The following CCDC62 variants were observed in gnomAD, a reference collection of about 807,000 sequenced individuals.
CCDC62 encodes coiled-coil domain containing 62, also known as coiled-coil domain-containing protein 62.
CCDC62 carries 72 observed loss-of-function variants against 80.8 expected under a neutral mutation model. The ratio of observed to expected loss-of-function variants is 0.89; its 90% confidence interval spans 0.74 to 1.08. CCDC62 has a LOEUF of 1.08. Ranked by LOEUF, CCDC62 falls within the 50% of genes least tolerant of loss-of-function variation. CCDC62 has a pLI of 0.00. For missense variants in CCDC62, 704 were observed against 809.4 expected (o/e 0.87, Z 1.58); for synonymous variants, 286 against 296.5 (o/e 0.96, Z 0.36).
chr12:122,779,907 C>CAAAA (rs35466260), intron 2 of CCDC62, among the ~76,000 whole-genome samples: 1 of 63,534 alleles, frequency 1.6e-5, no homozygotes, highest in Non-Finnish European at 2.7e-5. Context: ...GACTCTGTCT[C>CAAAA]AAAAAAAAAA....
intron 3 of CCDC62, among the ~76,000 whole-genome samples, chr12:122,783,519 C>T (rs1414116418): frequency 6.6e-6 from 1 of 152,160 alleles, no homozygotes; most frequent in Non-Finnish European, 1.5e-5. Context: ...AGCCACCGCG[C>T]CTGGCCCCAT....
intron 9 of CCDC62, among the ~76,000 whole-genome samples, chr12:122,803,404 G>A (rs1056551048): frequency 6.6e-6 from 1 of 152,088 alleles, no homozygotes; most frequent in Non-Finnish European, 1.5e-5. Context: ...TTGTCTTATT[G>A]TTGGAATAGC....
intron 5 of CCDC62, 56 bp downstream of exon 5, chr12:122,788,985 T>C: frequency 7.5e-7 from 1 of 1,340,148 alleles, no homozygotes. Context: ...AATATAGTTT[T>C]TCATCTGGGT....
chr12:122,812,735 A>G (rs1157859955), intron 10 of CCDC62, among the ~76,000 whole-genome samples: 3 of 127,742 alleles, frequency 2.3e-5, no homozygotes, highest in Admixed American at 8.9e-5. Flanking sequence ...AAAAAAAAAA[A>G]AGAAAGAGAG....
chr12:122,816,779 C>G (rs958188985), intron 11 of CCDC62, among the ~76,000 whole-genome samples: 1 of 150,788 alleles, frequency 6.6e-6, no homozygotes, highest in Non-Finnish European at 1.5e-5. Context: ...TACAATTCAC[C>G]CTTCTAAAGT....
At chr12:122,790,462 A>G (rs534116889) in intron 5 of CCDC62, among the ~76,000 whole-genome samples, 1 of 152,272 alleles carries the variant, frequency 6.6e-6, no homozygotes, top group South Asian at 2.1e-4. Context: ...CAGGACTTCA[A>G]GAAGACCAGC....
intron 9 of CCDC62, among the ~76,000 whole-genome samples, chr12:122,803,056 T>C (rs994322966): frequency 6.6e-6 from 1 of 151,962 alleles, no homozygotes; most frequent in African/African-American, 2.4e-5. Flanking sequence ...GCTCTTTTTT[T>C]AAAAATTGAG....
chr12:122,808,798 G>A (rs1426955929), intron 10 of CCDC62, among the ~76,000 whole-genome samples: 1 of 152,080 alleles, frequency 6.6e-6, no homozygotes, highest in African/African-American at 2.4e-5. Flanking sequence ...AAGTGCTGGG[G>A]TATATTTAAC....
intron 10 of CCDC62, among the ~76,000 whole-genome samples, chr12:122,807,432 G>C (rs2031667139): frequency 6.7e-6 from 1 of 149,874 alleles, no homozygotes; most frequent in Non-Finnish European, 1.5e-5. Context: ...TTGGGAGGCT[G>C]AGGCGGGAGA....
chr12:122,813,443 C>A (rs944068580), intron 11 of CCDC62, 24 bp downstream of exon 11: 1 of 1,601,300 alleles, frequency 6.2e-7, no homozygotes, highest in South Asian at 1.1e-5. Flanking sequence ...TTTCTCTTGA[C>A]TATATTTGTC....
chr12:122,801,235 T>C lies in CCDC62; in HGVS notation c.1089T>C (p.Val363=). The C allele has an allele frequency of 6.2e-7, 1 of 1,614,182 alleles. No individual in the cohort carries two copies. ...ACCAGAAATTTGAAGCCATGTTGGT[T>C]CAGCAAAATAGGTCAGACAAGAGCT... The part of the protein sequence containing the change: ...FKDQKFEAML[V]QQNRSDKSSC... The change falls in exon 9 of 13, where the codon GTT becomes GTC. Residue 363 remains valine, a synonymous_variant. Transcript: ENST00000253079.
rs1368830253 is a variant in CCDC62 at position 122,801,301 on chromosome 12, T to C, written c.1155T>C (p.Thr385=). 87 of 1,613,996 alleles carry C rather than the reference T, an allele frequency of 5.4e-5. No individual in the cohort carries two copies. The highest frequency in any genetic ancestry group is 7.0e-5 in the Non-Finnish European group (83 of 1,180,002). Residue 385 remains threonine (T), a synonymous_variant, in exon 9 of 13, where the codon ACT becomes ACC. Coordinates refer to ENST00000253079, the MANE Select transcript of CCDC62 (RefSeq NM_201435.5). Reference sequence around the variant, plus strand: ...AAGAGAAGAAACAACAGATCGATACTGTGTTTGGGGAGAAAAGTGTAATTA... The same window carrying C: ...AAGAGAAGAAACAACAGATCGATACCGTGTTTGGGGAGAAAAGTGTAATTA... ...ECKEKKQQID[T]VFGEKSVITL...
chr12:122,785,948 C>T (rs975138245), intron 4 of CCDC62, 128 bp downstream of exon 4: 65 of 644,684 alleles, frequency 1.0e-4, no homozygotes, highest in Non-Finnish European at 1.6e-4. Flanking sequence ...TTTTTTAAAA[C>T]GCCCATTTAG....
At chr12:122,795,569 G>A (rs985280845) in intron 6 of CCDC62, among the ~76,000 whole-genome samples, 27 of 151,936 alleles carry the variant, frequency 1.8e-4, no homozygotes, top group Non-Finnish European at 2.8e-4. Context: ...GACTACAGGC[G>A]CCCGCCACCA....
rs550220447 is a variant in CCDC62 at position 122,808,112 on chromosome 12, C to T, written c.1851+1817C>T. ...AGGCGTTCGAGACCAGCCTGGCCAG[C>T]ATGGTGAAATCCCCTGTCTACTAAA... On this transcript the variant is annotated intron_variant, in intron 10 of 12. Transcript: ENST00000253079. 1.8e-4 allele frequency among the ~76,000 whole-genome samples: 28 copies of T among 152,186 alleles called. No individual in the cohort carries two copies. The South Asian group carries it at 5.6e-3, about 30-fold the overall frequency.
intron 10 of CCDC62, among the ~76,000 whole-genome samples, chr12:122,811,571 G>A (rs7957643): frequency 0.84 from 125,783 of 149,246 alleles, 54,265 homozygotes; most frequent in East Asian, 0.99. Flanking sequence ...TGTACTCGCA[G>A]CACTTTTGGA....
rs570365096 is a variant in CCDC62 at position 122,827,510 on chromosome 12, T to C, written c.*1129T>C. 6.6e-6 allele frequency: 1 copy of C among 152,334 alleles called. No homozygotes were observed. Among genetic ancestry groups the C allele is most frequent in the African/African-American group, 2.4e-5 (1 of 41,576 alleles). The allele number at this position is 152,334 out of a possible 1,614,324, so 9.4% of individuals were successfully genotyped here. On this transcript the variant is annotated 3_prime_UTR_variant, in exon 13 of 13. Coordinates refer to ENST00000253079, the MANE Select transcript of CCDC62 (RefSeq NM_201435.5). ...GTTATGTTCTTTATCAATGCGTGCT[T>C]TCTCCCTCAGGCTGGGCTGTCTAGA...
At chr12:122,822,365 A>G (rs1164910807) in intron 11 of CCDC62, among the ~76,000 whole-genome samples, 1 of 151,986 alleles carries the variant, frequency 6.6e-6, no homozygotes, top group Admixed American at 6.6e-5. Flanking sequence ...CGGCCTCCCA[A>G]AGTGCTGGGA....
intron 10 of CCDC62, among the ~76,000 whole-genome samples, 179 bp from the exon 11 acceptor site, chr12:122,813,090 AG>A (rs2032013226): frequency 6.6e-6 from 1 of 152,098 alleles, no homozygotes. Flanking sequence ...GCTTTTCAGG[AG>A]GCTGAGGCAG....
Sources: allele counts gnomAD v4.1 joint callset (sites outside exome capture counted in the v4.1 genomes callset), GRCh38; gene constraint gnomAD v4.1.1; transcripts MANE v1.5; gene names NCBI Gene and HGNC (gene_info 2026-07-23, HGNC 2026-07-21).